The following GFM1 variants were observed in gnomAD, a reference collection of about 807,000 sequenced individuals.
The protein encoded by GFM1 is G elongation factor mitochondrial 1, also known as elongation factor G, mitochondrial.
Under a neutral mutation model 96.2 loss-of-function variants are expected in GFM1, and 62 were observed. The ratio of observed to expected loss-of-function variants is 0.64; its 90% CI spans 0.53 to 0.80. The LOEUF (loss-of-function observed/expected upper bound fraction) is 0.80. Among genes scored for constraint, GFM1 ranks in the 30% least tolerant of loss-of-function variants. The probability of loss-of-function intolerance (pLI) is 0.00; values close to 1 mark genes in which losing one functional copy is unlikely to be tolerated. For missense variants in GFM1, 852 were observed against 916.6 expected (o/e 0.93, Z 0.91); for synonymous variants, 282 against 312.9 (o/e 0.90, Z 1.04).
chr3:158,669,618 A>C (rs1270405596), intron 13 of GFM1: 1 of 1,611,714 alleles, frequency 6.2e-7, no homozygotes, highest in Non-Finnish European at 8.5e-7. Flanking sequence ...TTGCTGTTTG[A>C]AATTTAGCAA....
intron 13 of GFM1, chr3:158,669,009 G>A (rs750338927): frequency 5.6e-6 from 9 of 1,611,080 alleles, no homozygotes; most frequent in South Asian, 1.1e-5. Flanking sequence ...TTGCTTGACA[G>A]TTTGAATTTT....
intron 13 of GFM1, chr3:158,667,198 T>G: frequency 9.3e-7 from 1 of 1,074,522 alleles, no homozygotes; most frequent in East Asian, 3.0e-5. Flanking sequence ...AAATAAAAAT[T>G]GAATGTCATA....
At chr3:158,667,095 GTGT>G (rs1307055673) in intron 13 of GFM1, 2 of 1,561,120 alleles carry the variant, frequency 1.3e-6, no homozygotes, top group African/African-American at 1.4e-5. Context: ...AAATAAAAAC[GTGT>G]TGTTTAAAAC....
intron 14 of GFM1, 47 bp downstream of exon 14, chr3:158,682,204 G>C: frequency 6.9e-7 from 1 of 1,444,916 alleles, no homozygotes. Flanking sequence ...ACTAAAAACA[G>C]TTTATCAGGT....
Position 158,645,432 on chromosome 3 carries a change from T to A in GFM1, c.82-197T>A, listed in dbSNP as rs145395272. ...CATTAATTAATTTTAAAAGAATACG[T>A]CTTTACTGTCTTGTTTTGAAGTCTG... On this transcript the variant is annotated intron_variant, in intron 1 of 17. Coordinates refer to ENST00000486715, the MANE Select transcript of GFM1 (RefSeq NM_024996.7). Among the ~76,000 whole-genome samples the A allele has an allele frequency of 1.4e-4, 22 of 152,308 alleles. No individual in the cohort carries two copies. The East Asian group carries it at 3.3e-3, about 23-fold the overall frequency.
intron 13 of GFM1, chr3:158,666,848 T>A: frequency 7.1e-7 from 1 of 1,413,642 alleles, no homozygotes; most frequent in East Asian, 2.4e-5. Context: ...TCACAAAGAA[T>A]AGTACTTTTG....
Position 158,693,184 on chromosome 3 carries a change from G to A in GFM1, c.*1717G>A, listed in dbSNP as rs1576803306. On this transcript the variant is annotated 3_prime_UTR_variant, in exon 18 of 18. Coordinates refer to ENST00000486715, the MANE Select transcript of GFM1 (RefSeq NM_024996.7). The stretch of plus-strand genomic sequence containing the variant: ...AAGTGCATTTCCCCCATGAATGTCT[G>A]TTGCTACAGTAGCATCAGGTCTGAA... The A allele has an allele frequency of 6.6e-6, 1 of 152,132 alleles. No homozygotes were observed. The highest frequency in any genetic ancestry group is 1.9e-4 in the East Asian group (1 of 5,196). The allele number at this position is 152,132 out of a possible 1,614,324, so 9.4% of individuals were successfully genotyped here.
At chr3:158,672,640 C>T (rs1399504119) in intron 13 of GFM1, 10 of 808,020 alleles carry the variant, frequency 1.2e-5, no homozygotes, top group Non-Finnish European at 1.9e-5. Context: ...ACTCCGGAAG[C>T]TGCTGTTTGG....
intron 5 of GFM1, 68 bp downstream of exon 5, chr3:158,649,225 G>C: frequency 1.3e-6 from 1 of 741,256 alleles, no homozygotes; most frequent in Non-Finnish European, 2.4e-6. Flanking sequence ...GAAAGGATAA[G>C]TTCATCAAAC....
chr3:158,661,041 C>A, intron 10 of GFM1, 66 bp downstream of exon 10: 2 of 1,272,856 alleles, frequency 1.6e-6, no homozygotes, highest in South Asian at 2.4e-5. Flanking sequence ...TTATGTAGTG[C>A]ATTTAATACT....
At position 158,662,699 on chromosome 3, in the gene GFM1, TA is replaced by T; in HGVS notation, c.1380+18del. On this transcript the variant is annotated intron_variant, in intron 11 of 17. Transcript: ENST00000486715. ...CTTCTAACAAGGTAGGAGTTTGATT[TA>T]AAGCTCAGTATATCACAATTAAAAC... The T allele has an allele frequency of 1.3e-6, 2 of 1,489,428 alleles. No individual in the cohort carries two copies. Among genetic ancestry groups the T allele is most frequent in the Non-Finnish European group, 1.9e-6 (2 of 1,066,692 alleles). 92.3% of individuals were successfully genotyped at this position (1,489,428 alleles called of 1,614,324 possible).
At chr3:158,650,208 C>T (rs1427484446) in intron 5 of GFM1, 2 of 712,576 alleles carry the variant, frequency 2.8e-6, no homozygotes, top group South Asian at 1.6e-5. Context: ...CAAAGTTTAC[C>T]TACCACTCCT....
chr3:158,646,701 C>G (rs756665364), intron 3 of GFM1, 42 bp from the exon 4 acceptor site: 4 of 1,523,700 alleles, frequency 2.6e-6, no homozygotes, highest in East Asian at 4.6e-5. Context: ...ATTAAAAATT[C>G]AGATTGCTCT....
chr3:158,648,416 C>T (rs1864504), intron 4 of GFM1, among the ~76,000 whole-genome samples: 62,895 of 151,680 alleles, frequency 0.41, 14,134 homozygotes, highest in African/African-American at 0.6. Flanking sequence ...CGGTGGCTCA[C>T]ACCTGTAATC....
intron 13 of GFM1, among the ~76,000 whole-genome samples, chr3:158,681,544 A>G (rs1430662432): frequency 6.6e-6 from 1 of 152,086 alleles, no homozygotes; most frequent in Non-Finnish European, 1.5e-5. Flanking sequence ...GCCTGAGTCT[A>G]TAATGCCCAA....
chr3:158,671,446 T>C (rs1449259212), intron 13 of GFM1, among the ~76,000 whole-genome samples: 1 of 152,246 alleles, frequency 6.6e-6, no homozygotes, highest in African/African-American at 2.4e-5. Context: ...TGAGGCAGAT[T>C]ACTGCAAAGC....
At chr3:158,683,497 ATAAT>A (rs1192071362) in intron 14 of GFM1, among the ~76,000 whole-genome samples, 2 of 152,250 alleles carry the variant, frequency 1.3e-5, no homozygotes, top group African/African-American at 4.8e-5. Flanking sequence ...TTCTTTTAAA[ATAAT>A]TAGATTTGAA....
In GFM1 at chr3:158,644,733, G is replaced by A. The variant is rs1377938684; in HGVS notation, c.81+18G>A. On this transcript the variant is annotated intron_variant, in intron 1 of 17. Coordinates refer to ENST00000486715, the MANE Select transcript of GFM1 (RefSeq NM_024996.7). The stretch of plus-strand genomic sequence containing the variant: ...GGAAGCAGGTACCGGAGCATAGAGA[G>A]GCTAAATCGGGACCATTCCCGGAAC... 5.1e-6 allele frequency: 8 copies of A among 1,559,662 alleles called. No individual in the cohort carries two copies. Among genetic ancestry groups the A allele is most frequent in the Non-Finnish European group, 6.1e-6 (7 of 1,150,232 alleles).
intron 13 of GFM1, among the ~76,000 whole-genome samples, chr3:158,667,885 C>G (rs538726134): frequency 6.6e-6 from 1 of 152,262 alleles, no homozygotes; most frequent in South Asian, 2.1e-4. Context: ...TTTTTCTGTA[C>G]TGTACAGTAG....
Sources: gnomAD v4.1 joint callset for allele counts (sites outside exome capture counted in the v4.1 genomes callset) on GRCh38, gnomAD v4.1.1 for gene constraint, MANE v1.5 for transcripts, NCBI Gene and HGNC (gene_info 2026-07-23, HGNC 2026-07-21) for gene names.